Variants in TAF1D observed in about 807,000 individuals in gnomAD.
The protein encoded by TAF1D is TATA-box binding protein associated factor, RNA polymerase I subunit D.
Under a neutral mutation model 26.2 loss-of-function variants are expected in TAF1D, and 23 were observed. The observed-to-expected ratio is 0.88, with a 90% CI of 0.63 to 1.25. TAF1D has a LOEUF of 1.25. Among genes scored for constraint, TAF1D ranks in the 50% most tolerant of loss-of-function variants. The pLI is 0.00. For missense variants in TAF1D, 299 were observed against 322.0 expected (o/e 0.93, Z 0.55); for synonymous variants, 100 against 105.6 (o/e 0.95, Z 0.33).
At position 93,738,385 on chromosome 11, in the gene TAF1D, T is replaced by TGC; in HGVS notation, c.181_182dup (p.Ser62GlnfsTer15). 1 of 1,614,024 alleles carries TGC rather than the reference T, an allele frequency of 6.2e-7. No individual in the cohort carries two copies. Among genetic ancestry groups the TGC allele is most frequent in the African/African-American group, 1.3e-5 (1 of 75,050 alleles). On this transcript the variant is annotated frameshift_variant, in exon 3 of 6. Transcript: ENST00000448108. LOFTEE classifies it high-confidence loss of function. ...AAGATGAGTCACTTGATGAATCACT[T>TGC]GCGTGAACACTTTCAGGTGTACGAA...
At chr11:93,732,295 G>A, downstream of TAF1D, 1 of 495,200 alleles carries the variant, frequency 2.0e-6, no homozygotes, top group South Asian at 1.5e-5. Context: ...TGACACCCTG[G>A]AAAAAAAAGC....
Position 93,736,300 on chromosome 11 carries a change from T to TCC in TAF1D, c.696_697dup (p.Asp233GlyfsTer5). On this transcript the variant is annotated frameshift_variant, in exon 6 of 6. Coordinates refer to ENST00000448108, the MANE Select transcript of TAF1D (RefSeq NM_024116.4). LOFTEE classifies it low-confidence loss of function (END_TRUNC). ...GAATTCAGAACTTACTATGAAACTA[T>TCC]CCCCCTGCATAAAACAAACAAAAAA... The TCC allele has an allele frequency of 6.3e-7, 1 of 1,598,936 alleles. No homozygotes were observed. The highest frequency in any genetic ancestry group is 8.5e-7 in the Non-Finnish European group (1 of 1,176,138).
chr11:93,738,945 G>A lies in TAF1D; in HGVS notation c.68+292C>T, dbSNP rs370238691. On this transcript the variant is annotated intron_variant, in intron 2 of 5. Coordinates refer to ENST00000448108, the MANE Select transcript of TAF1D (RefSeq NM_024116.4). Reference sequence around the variant, plus strand: ...GTTCGGTTCACTGCTAAGAGTGTCTGAGTAAAACAAACACAGCCTACCGAA... The same window carrying A: ...GTTCGGTTCACTGCTAAGAGTGTCTAAGTAAAACAAACACAGCCTACCGAA... 5.2e-4 allele frequency: 233 copies of A among 445,418 alleles called. 3 individuals carry two copies. The South Asian group carries it at 6.6e-3, about 13-fold the overall frequency. 27.6% of individuals were successfully genotyped at this position (445,418 alleles called of 1,614,324 possible). A position where few individuals can be genotyped will look rare whatever the true frequency, so the allele number is the denominator to read the frequency against.
downstream of TAF1D, chr11:93,735,407 G>A (rs1940541576): frequency 6.8e-6 from 6 of 883,602 alleles, no homozygotes; most frequent in Non-Finnish European, 8.5e-6. Context: ...ATTAGGCCAG[G>A]TGCCATGGCT....
rs747281370 is a variant in TAF1D, at chr11:93,736,322, A to AC, written c.694-19_694-18insG. The AC allele has an allele frequency of 6.3e-7, 1 of 1,586,970 alleles. No homozygotes were observed. The highest frequency in any genetic ancestry group is 8.5e-7 in the Non-Finnish European group (1 of 1,171,890). The stretch of plus-strand genomic sequence containing the variant: ...CTATCCCCCTGCATAAAACAAACAA[A>AC]AAATCATGGATTAAGCAATAACTCA... On this transcript the variant is annotated intron_variant, in intron 5 of 5. Transcript: ENST00000448108.
At position 93,736,770 on chromosome 11, in the gene TAF1D, T is replaced by TC. The variant is rs1460372589; in HGVS notation, c.636-20dup. On this transcript the variant is annotated intron_variant, in intron 4 of 5. Coordinates refer to ENST00000448108, the MANE Select transcript of TAF1D (RefSeq NM_024116.4). ...CTCTGCTCTGTAATATTAAAATTTA[T>TC]CATCGAGATGACAGAATCTTCGATG... 2.5e-6 allele frequency: 4 copies of TC among 1,602,430 alleles called. No homozygotes were observed. The African/African-American group carries it at 4.0e-5, about 16-fold the overall frequency.
downstream of TAF1D, chr11:93,734,839 C>T: frequency 1.9e-6 from 2 of 1,027,800 alleles, no homozygotes; most frequent in Non-Finnish European, 2.5e-6. Context: ...ACAGTGGTGC[C>T]ATCAAAGCTC....
chr11:93,735,413 T>C (rs1315572346), downstream of TAF1D: 2 of 836,314 alleles, frequency 2.4e-6, no homozygotes, highest in Non-Finnish European at 3.0e-6. Flanking sequence ...CCAGGTGCCA[T>C]GGCTCACACC....
At chr11:93,737,670 ACTC>A (rs1941075676) in intron 3 of TAF1D, among the ~76,000 whole-genome samples, 1 of 152,134 alleles carries the variant, frequency 6.6e-6, no homozygotes, top group South Asian at 2.1e-4. Context: ...AAAAAAGTCT[ACTC>A]CTAAGTATTA....
chr11:93,734,850 A>C, downstream of TAF1D: 1 of 942,374 alleles, frequency 1.1e-6, no homozygotes, highest in East Asian at 6.2e-5. Context: ...ATCAAAGCTC[A>C]GTGCAGCCTC....
intron 1 of TAF1D, among the ~76,000 whole-genome samples, chr11:93,740,087 T>A (rs2135531497): frequency 6.6e-6 from 1 of 150,602 alleles, no homozygotes; most frequent in African/African-American, 2.4e-5. Flanking sequence ...GGCGGGCGGA[T>A]CGCTTGAGCC....
chr11:93,741,373 G>A lies in TAF1D; in HGVS notation c.-79C>T, dbSNP rs1260553540. The A allele has an allele frequency of 2.3e-6, 1 of 443,628 alleles. No homozygotes were observed. Among genetic ancestry groups the A allele is most frequent in the Non-Finnish European group, 4.5e-6 (1 of 223,210 alleles). 27.5% of individuals were successfully genotyped at this position (443,628 alleles called of 1,614,324 possible). ...CCGCGCACTTGCTGCTTGTAACCCA[G>A]GCCTCGGCCCAAAACCCGCGACTGG... On this transcript the variant is annotated 5_prime_UTR_variant, in exon 1 of 6. Transcript: ENST00000448108.
chr11:93,739,308 T>C lies in TAF1D; in HGVS notation c.-4A>G, dbSNP rs1440594553. On this transcript the variant is annotated 5_prime_UTR_variant, in exon 2 of 6. Transcript: ENST00000448108. ...AATCTATTCCTGATTTATCCATCAA[T>C]TGCTCTTTGTTTTAAACAGTTTTCT... 5.6e-6 allele frequency: 9 copies of C among 1,603,490 alleles called. No individual in the cohort carries two copies. Among genetic ancestry groups the C allele is most frequent in the South Asian group, 1.1e-5 (1 of 88,190 alleles).
chr11:93,730,264 T>C (rs1026865923), exon 12 of TAF1D: 20 of 1,547,748 alleles, frequency 1.3e-5, no homozygotes, highest in Non-Finnish European at 1.7e-5. Flanking sequence ...CAAAAATACA[T>C]GCTGACTTTC....
At chr11:93,733,087 C>T, downstream of TAF1D, 41 of 338,756 alleles carry the variant, frequency 1.2e-4, no homozygotes, top group East Asian at 2.4e-4. Context: ...TTTTACTTAC[C>T]TCTCAACATG....
chr11:93,732,973 T>C, downstream of TAF1D: 1 of 311,734 alleles, frequency 3.2e-6, no homozygotes, highest in South Asian at 2.8e-5. Context: ...TACATTGTAA[T>C]ATTTTTGCCA....
chr11:93,741,179 T>C (rs539869496), intron 1 of TAF1D, 143 bp downstream of exon 1: 2 of 373,136 alleles, frequency 5.4e-6, no homozygotes, highest in Non-Finnish European at 1.1e-5. Flanking sequence ...CGGAGTGGCC[T>C]GCGGCCGTGA....
downstream of TAF1D, chr11:93,732,520 C>G: frequency 2.1e-6 from 1 of 475,380 alleles, no homozygotes; most frequent in Non-Finnish European, 4.3e-6. Flanking sequence ...AACTGTACAA[C>G]TCGTATTCCC....
chr11:93,736,799 T>G (rs537253032), intron 4 of TAF1D, 48 bp from the exon 5 acceptor site: 2 of 1,546,142 alleles, frequency 1.3e-6, no homozygotes, highest in South Asian at 1.2e-5. Flanking sequence ...TTCGATGACC[T>G]AATTAGTTGT....
Sources: allele counts gnomAD v4.1 joint callset (sites outside exome capture counted in the v4.1 genomes callset), GRCh38; gene constraint gnomAD v4.1.1; transcripts MANE v1.5; gene names NCBI Gene and HGNC (gene_info 2026-07-23, HGNC 2026-07-21).